Variants in ZNF765 observed in about 807,000 individuals in gnomAD.
ZNF765 encodes the protein zinc finger protein 765.
A neutral mutation model predicts 44.7 loss-of-function variants in ZNF765; 37 were observed. The ratio of observed to expected loss-of-function variants is 0.83; its 90% confidence interval spans 0.64 to 1.09. The LOEUF (loss-of-function observed/expected upper bound fraction) is 1.09. ZNF765 is among the 50% of genes least tolerant of loss of function. The pLI is 0.00. For synonymous variants in ZNF765, 201 were observed against 213.7 expected, an observed-to-expected ratio of 0.94 and a Z score of 0.52; for missense variants, 594 against 626.1, an observed-to-expected ratio of 0.95 and a Z score of 0.55.
At chr19:53,402,247 CCTT>C in intron 3 of ZNF765, 56 bp downstream of exon 3, 1 of 1,400,770 alleles carries the variant, frequency 7.1e-7, no homozygotes, top group Admixed American at 2.7e-5. Context: ...TATTTTCTCT[CCTT>C]TTTTTTTTTT....
chr19:53,413,788 G>A (rs569107528), downstream of ZNF765, among the ~76,000 whole-genome samples: 2 of 151,546 alleles, frequency 1.3e-5, no homozygotes, highest in South Asian at 4.2e-4. Context: ...ATAAAACAAT[G>A]TCAGTGTGTC....
chr19:53,407,468 C>T (rs1019305690), intron 3 of ZNF765, among the ~76,000 whole-genome samples: 3 of 152,126 alleles, frequency 2.0e-5, no homozygotes, highest in African/African-American at 7.2e-5. Flanking sequence ...TTTTTGTGCC[C>T]TGTCAGTGTT....
chr19:53,402,248 CTTTTTTTTTTTTTTT>C lies in ZNF765; in HGVS notation c.142+69_142+83del, dbSNP rs72582439. 1,208 of 1,260,640 alleles carry C rather than the reference CTTTTTTTTTTTTTTT, an allele frequency of 9.6e-4. 11 individuals are homozygous for C. In the African/African-American group the frequency reaches 0.025, roughly 26 times the overall value. The allele number at this position is 1,260,640 out of a possible 1,614,324, so 78.1% of individuals were successfully genotyped here. ...CTTGCGTATCTTTGTATTTTCTCTCCTTTTTTTTTTTTTTTTTTTTTTTTTTGAGATGGAGTCTCG... is the reference window on the plus strand; with the variant it reads ...CTTGCGTATCTTTGTATTTTCTCTCCTTTTTTTTTTTGAGATGGAGTCTCG... On this transcript the variant is annotated intron_variant, in intron 3 of 3. Coordinates refer to ENST00000396408, the MANE Select transcript of ZNF765 (RefSeq NM_001040185.3).
At chr19:53,398,101 C>G (rs1448071134) in intron 2 of ZNF765, 71 bp downstream of exon 2, 24 of 1,612,084 alleles carry the variant, frequency 1.5e-5, no homozygotes, top group Non-Finnish European at 2.0e-5. Context: ...AGTTTGGAAT[C>G]TTCTCTGAGT....
At chr19:53,422,509 T>C (rs2085913270) in intron 3 of ZNF765, among the ~76,000 whole-genome samples, 2 of 152,162 alleles carry the variant, frequency 1.3e-5, no homozygotes, top group Admixed American at 6.5e-5. Context: ...TTCTTCATAC[T>C]AGAAAGTAAC....
At chr19:53,421,744 C>T (rs781486211) in intron 3 of ZNF765, among the ~76,000 whole-genome samples, 1 of 152,124 alleles carries the variant, frequency 6.6e-6, no homozygotes, top group Non-Finnish European at 1.5e-5. Flanking sequence ...AAACTCCCAA[C>T]CTCAGGTGAT....
At chr19:53,422,496 G>A (rs1371310050) in intron 3 of ZNF765, among the ~76,000 whole-genome samples, 2 of 152,134 alleles carry the variant, frequency 1.3e-5, no homozygotes, top group African/African-American at 2.4e-5. Context: ...CAAATATGGC[G>A]AATTCTTCAT....
intron 3 of ZNF765, among the ~76,000 whole-genome samples, chr19:53,418,787 C>A (rs1353555854): frequency 1.3e-5 from 2 of 151,692 alleles, no homozygotes; most frequent in Non-Finnish European, 2.9e-5. Context: ...CCCCTGTAAT[C>A]CCAGCTACTC....
chr19:53,417,958 GCTTC>G lies in ZNF765; in HGVS notation c.143-5099_143-5096del, dbSNP rs1265172307. Among the ~76,000 whole-genome samples, 10 of 152,272 alleles carry G rather than the reference GCTTC, an allele frequency of 6.6e-5. No homozygotes were observed. In the South Asian group the frequency reaches 1.9e-3, roughly 28 times the overall value. ...GATGTACCAGAGCTCAGTATTTCCT[GCTTC>G]CTTCTTGTGAGACCCTCTCTGCCTC... On this transcript the variant is annotated intron_variant, in intron 3 of 3. Transcript: ENST00000594030.
chr19:53,409,839 G>A lies in ZNF765; in HGVS notation c.*712G>A, dbSNP rs781273490. Reference sequence around the variant, plus strand: ...CTGAAGTCATACCTTACGCACCATCGTAGACTTCATACTGGAGAGGTACCT... The same window carrying A: ...CTGAAGTCATACCTTACGCACCATCATAGACTTCATACTGGAGAGGTACCT... On this transcript the variant is annotated 3_prime_UTR_variant, in exon 4 of 4. Coordinates refer to ENST00000396408, the MANE Select transcript of ZNF765 (RefSeq NM_001040185.3). 2.2e-5 allele frequency: 15 copies of A among 681,406 alleles called. No individual in the cohort carries two copies. Among genetic ancestry groups the A allele is most frequent in the Non-Finnish European group, 3.3e-5 (12 of 359,698 alleles). 42.2% of individuals were successfully genotyped at this position (681,406 alleles called of 1,614,324 possible).
chr19:53,414,250 A>AAAAAAAC (rs1600063744), downstream of ZNF765, among the ~76,000 whole-genome samples: 1 of 150,042 alleles, frequency 6.7e-6, no homozygotes, highest in African/African-American at 2.4e-5. Flanking sequence ...CAAAAAAAAA[A>AAAAAAAC]AAAAGAAACT....
intron 2 of ZNF765, 60 bp from the exon 3 acceptor site, chr19:53,402,005 T>C: frequency 3.1e-6 from 5 of 1,613,976 alleles, no homozygotes; most frequent in Non-Finnish European, 4.2e-6. Context: ...TTCTTCTCAT[T>C]TTCTGTAAAG....
chr19:53,406,388 G>A (rs1600056039), intron 3 of ZNF765, among the ~76,000 whole-genome samples: 2 of 152,088 alleles, frequency 1.3e-5, no homozygotes, highest in East Asian at 3.9e-4. Context: ...AAGTCAGAAG[G>A]TAGTGATCTT....
chr19:53,414,765 TC>T (rs1166079579), downstream of ZNF765, among the ~76,000 whole-genome samples: 1 of 148,992 alleles, frequency 6.7e-6, no homozygotes, highest in Non-Finnish European at 1.5e-5. Flanking sequence ...GGTCCAATAA[TC>T]CTCTATCCAA....
intron 1 of ZNF765, among the ~76,000 whole-genome samples, 195 bp downstream of exon 1, chr19:53,395,388 C>T (rs1361621529): frequency 1.3e-5 from 2 of 152,360 alleles, no homozygotes; most frequent in Middle Eastern, 6.8e-3. Context: ...TGGTCCCGTC[C>T]CGGGTGTTTC....
chr19:53,425,444 G>A (rs1371776168), exon 4 of ZNF765: 3 of 152,176 alleles, frequency 2.0e-5, no homozygotes, highest in Non-Finnish European at 4.4e-5. Context: ...AAGTAGCTGG[G>A]ACTACAGGTG....
chr19:53,397,566 A>G (rs1251983086), intron 1 of ZNF765, among the ~76,000 whole-genome samples: 1 of 152,188 alleles, frequency 6.6e-6, no homozygotes, highest in Non-Finnish European at 1.5e-5. Context: ...TACTTTTGGT[A>G]GAGATGGGGT....
In ZNF765 at chr19:53,408,715, A is replaced by T; in HGVS notation, c.1160A>T (p.Glu387Val). The change falls in exon 4 of 4, where the codon GAG becomes GTG. Residue 387 changes from glutamate to valine, a missense_variant. Around this residue, in one of 2 missense-constraint regions of ZNF765, gnomAD observed 567 missense variants for 572.6 expected, o/e 0.99. Coordinates refer to ENST00000396408, the MANE Select transcript of ZNF765 (RefSeq NM_001040185.3). ...GGAGAGAAACCTTACAAGTGTAATG[A>T]GTGTAGCAAGACCTTTAGTCACAAG... is the stretch of plus-strand genomic sequence containing the variant. ...HTGEKPYKCN[E>V]CSKTFSHKSS... The T allele has an allele frequency of 6.5e-7, 1 of 1,533,110 alleles. No individual in the cohort carries two copies. The highest frequency in any genetic ancestry group is 2.4e-5 in the East Asian group (1 of 41,294). 95.0% of individuals were successfully genotyped at this position (1,533,110 alleles called of 1,614,324 possible).
chr19:53,406,652 C>T (rs2085778960), intron 3 of ZNF765, among the ~76,000 whole-genome samples: 2 of 152,208 alleles, frequency 1.3e-5, no homozygotes, highest in South Asian at 2.1e-4. Context: ...CTGTGGCTCA[C>T]GCCTGCAATC....
Sources: gnomAD v4.1 joint callset for allele counts (sites outside exome capture counted in the v4.1 genomes callset) on GRCh38, gnomAD v4.1.1 for gene constraint, gnomAD v4.1.1 regional missense constraint, MANE v1.5 for transcripts, NCBI Gene and HGNC (gene_info 2026-07-23, HGNC 2026-07-21) for gene names.